The following EML4 variants were observed in gnomAD, a reference collection of about 807,000 sequenced individuals.
The protein encoded by EML4 is EMAP like 4, also known as echinoderm microtubule-associated protein-like 4.
EML4 carries 72 observed loss-of-function variants against 129.0 expected under a neutral mutation model. The ratio of observed to expected loss-of-function variants is 0.56; its 90% CI spans 0.46 to 0.68. EML4 has a LOEUF of 0.68. Among genes scored for constraint, EML4 ranks in the 30% least tolerant of loss-of-function variants. EML4 has a pLI of 0.00. For missense variants in EML4, 1,363 were observed against 1,190.6 expected (o/e 1.14, Z -2.13); for synonymous variants, 532 against 405.0 (o/e 1.31, Z -3.77).
At chr2:42,251,139 G>A (rs1423007682) in intron 2 of EML4, among the ~76,000 whole-genome samples, 2 of 152,186 alleles carry the variant, frequency 1.3e-5, no homozygotes, top group Non-Finnish European at 2.9e-5. Context: ...GTTTCTAACA[G>A]GCCACAAAGG....
At chr2:42,185,356 G>C (rs1671187956) in intron 1 of EML4, among the ~76,000 whole-genome samples, 1 of 152,174 alleles carries the variant, frequency 6.6e-6, no homozygotes, top group African/African-American at 2.4e-5. Context: ...TTGACTTAGG[G>C]ATTGTCTGTA....
chr2:42,281,840 G>T (rs1461107015), intron 7 of EML4, among the ~76,000 whole-genome samples: 1 of 152,162 alleles, frequency 6.6e-6, no homozygotes, highest in Non-Finnish European at 1.5e-5. Context: ...AACAGAAGGA[G>T]TTGGTAGTTT....
At chr2:42,228,789 C>G (rs1674138665) in intron 1 of EML4, among the ~76,000 whole-genome samples, 1 of 152,134 alleles carries the variant, frequency 6.6e-6, no homozygotes, top group African/African-American at 2.4e-5. Context: ...TTACCTTCTT[C>G]TCTCCCCCAC....
At chr2:42,316,180 C>T (rs1669236593) in intron 18 of EML4, 130 bp downstream of exon 18, 1 of 510,672 alleles carries the variant, frequency 2.0e-6, no homozygotes, top group African/African-American at 2.0e-5. Flanking sequence ...AATCTGTTTC[C>T]CCCAACATCA....
At chr2:42,202,382 A>T (rs1672284841) in intron 1 of EML4, among the ~76,000 whole-genome samples, 1 of 152,102 alleles carries the variant, frequency 6.6e-6, no homozygotes, top group Non-Finnish European at 1.5e-5. Flanking sequence ...AGATAGAAGG[A>T]TTGCTTGTGG....
rs565557976 is a variant in EML4 at position 42,182,100 on chromosome 2, A to G, written c.25+12464A>G. ...TATTTGATGAGTCCTCCCCTACATA[A>G]TCAATCTCCTGTCTCCACTGGTTTC... On this transcript the variant is annotated intron_variant, in intron 1 of 22. Coordinates refer to ENST00000318522, the MANE Select transcript of EML4 (RefSeq NM_019063.5). 5.4e-5 allele frequency among the ~76,000 whole-genome samples: 8 copies of G among 147,564 alleles called. No individual in the cohort carries two copies. The East Asian group carries it at 9.8e-4, about 18-fold the overall frequency.
chr2:42,222,561 A>T (rs1673674948), intron 1 of EML4, among the ~76,000 whole-genome samples: 1 of 152,170 alleles, frequency 6.6e-6, no homozygotes, highest in Admixed American at 6.5e-5. Flanking sequence ...TGTCCTACAA[A>T]GCCTAAAATG....
chr2:42,224,868 C>T (rs939059112), intron 1 of EML4, among the ~76,000 whole-genome samples: 5 of 152,026 alleles, frequency 3.3e-5, no homozygotes, highest in African/African-American at 1.2e-4. Flanking sequence ...AACCATCACC[C>T]GTATGTTTTC....
rs1422196107 is a variant in EML4 at position 42,259,798 on chromosome 2, C to T, written c.339-1323C>T. On this transcript the variant is annotated intron_variant, in intron 3 of 22. Coordinates refer to ENST00000318522, the MANE Select transcript of EML4 (RefSeq NM_019063.5). Reference sequence around the variant, plus strand: ...AGGCTGGAGTGCAGTGGCGCAATCTCGGCTCACTGCAAGCTCCGCCTCCTG... The same window carrying T: ...AGGCTGGAGTGCAGTGGCGCAATCTTGGCTCACTGCAAGCTCCGCCTCCTG... Among the ~76,000 whole-genome samples, 5 of 142,012 alleles carry T rather than the reference C, an allele frequency of 3.5e-5. No homozygotes were observed. In the East Asian group the frequency reaches 1.0e-3, roughly 29 times the overall value. 93.2% of individuals were successfully genotyped at this position (142,012 alleles called of 152,430 possible). A position where few individuals can be genotyped will look rare whatever the true frequency, so the allele number is the denominator to read the frequency against.
At chr2:42,250,906 G>A (rs1322943812) in intron 2 of EML4, among the ~76,000 whole-genome samples, 1 of 152,120 alleles carries the variant, frequency 6.6e-6, no homozygotes, top group Admixed American at 6.5e-5. Flanking sequence ...TGGGGTGATG[G>A]GAGACAGTGA....
rs184895364 is a variant in EML4, at chr2:42,246,495, C to T, written c.208+808C>T. Among the ~76,000 whole-genome samples the T allele has an allele frequency of 2.0e-3, 309 of 152,158 alleles. 1 individual carries two copies. Among genetic ancestry groups the T allele is most frequent in the African/African-American group, 7.1e-3 (294 of 41,498 alleles). On this transcript the variant is annotated intron_variant, in intron 2 of 22. Transcript: ENST00000318522. ...CCTAGGGAGGAGTTTTATATAACTC[C>T]CAAATTCTAGCTGAGTAGGAGATAG...
At chr2:42,279,485 T>A (rs552680453) in intron 6 of EML4, among the ~76,000 whole-genome samples, 1 of 151,394 alleles carries the variant, frequency 6.6e-6, no homozygotes, top group Non-Finnish European at 1.5e-5. Context: ...TGAGACGCAG[T>A]CTTGCTCTGT....
intron 17 of EML4, among the ~76,000 whole-genome samples, chr2:42,306,799 G>A (rs779823348): frequency 2.0e-5 from 3 of 151,580 alleles, no homozygotes; most frequent in Non-Finnish European, 2.9e-5. Flanking sequence ...GCACCTGGCC[G>A]CTAAATTCTT....
intron 6 of EML4, among the ~76,000 whole-genome samples, chr2:42,273,473 C>G (rs1666485899): frequency 1.3e-5 from 2 of 152,078 alleles, no homozygotes; most frequent in South Asian, 4.1e-4. Flanking sequence ...AGGTGGGTAA[C>G]TGTAAGTTGG....
At chr2:42,177,388 A>G (rs1670668201) in intron 1 of EML4, among the ~76,000 whole-genome samples, 1 of 152,114 alleles carries the variant, frequency 6.6e-6, no homozygotes, top group Non-Finnish European at 1.5e-5. Context: ...TGGGAGGCTG[A>G]GGCGGGCGGC....
intron 1 of EML4, among the ~76,000 whole-genome samples, chr2:42,184,760 T>C (rs1446298889): frequency 6.6e-6 from 1 of 152,238 alleles, no homozygotes. Context: ...TTGATTTTCC[T>C]TACAGAGATC....
chr2:42,235,503 T>A (rs1459157369), intron 1 of EML4, among the ~76,000 whole-genome samples: 1 of 152,104 alleles, frequency 6.6e-6, no homozygotes, highest in East Asian at 1.9e-4. Flanking sequence ...GTGTGTGGTA[T>A]TGTTACTAGT....
intron 5 of EML4, 90 bp downstream of exon 5, chr2:42,263,396 ATCTTTTT>A: frequency 2.2e-6 from 1 of 449,370 alleles, no homozygotes. Flanking sequence ...TCTGGTTTGA[ATCTTTTT>A]TTTTTTTTTT....
chr2:42,270,460 A>C (rs1000148520), intron 6 of EML4, among the ~76,000 whole-genome samples: 2 of 152,190 alleles, frequency 1.3e-5, no homozygotes, highest in Non-Finnish European at 2.9e-5. Flanking sequence ...TGGGAGGCTG[A>C]GGTGGGAGGA....
Sources: gnomAD v4.1 joint callset for allele counts (sites outside exome capture counted in the v4.1 genomes callset) on GRCh38, gnomAD v4.1.1 for gene constraint, MANE v1.5 for transcripts, NCBI Gene and HGNC (gene_info 2026-07-23, HGNC 2026-07-21) for gene names.